Variants in ADK observed in about 807,000 individuals in gnomAD.
ADK encodes N6,N6-dimethyladenosine kinase.
ADK carries 24 observed loss-of-function variants against 44.7 expected under a neutral mutation model. The observed-to-expected ratio is 0.54, with a 90% confidence interval of 0.39 to 0.76. The LOEUF (loss-of-function observed/expected upper bound fraction) is 0.76. Ranked by LOEUF, ADK falls within the 30% of genes least tolerant of loss-of-function variation. The probability of loss-of-function intolerance (pLI) is 0.00; values close to 1 mark genes in which losing one functional copy is unlikely to be tolerated. For synonymous variants in ADK, 128 were observed against 142.6 expected, an observed-to-expected ratio of 0.90 and a Z score of 0.73; for missense variants, 321 against 425.1, an observed-to-expected ratio of 0.76 and a Z score of 2.15.
intron 7 of ADK, among the ~76,000 whole-genome samples, chr10:74,573,702 C>G (rs1038919890): frequency 1.9e-4 from 29 of 152,294 alleles, no homozygotes; most frequent in African/African-American, 4.3e-4. Context: ...AAGCAAGCCT[C>G]GGCAATGGCG....
At chr10:74,158,300 A>T (rs1841810293) in intron 1 of ADK, among the ~76,000 whole-genome samples, 1 of 152,202 alleles carries the variant, frequency 6.6e-6, no homozygotes, top group Non-Finnish European at 1.5e-5. Context: ...CTGTGTGGCT[A>T]AATATTATCT....
At chr10:74,413,600 C>T (rs1844263065) in intron 6 of ADK, among the ~76,000 whole-genome samples, 1 of 152,220 alleles carries the variant, frequency 6.6e-6, no homozygotes, top group South Asian at 2.1e-4. Context: ...GAATGCTATG[C>T]TGGTTTGATG....
At chr10:74,590,831 A>G (rs1047895606) in intron 8 of ADK, among the ~76,000 whole-genome samples, 150 of 152,208 alleles carry the variant, frequency 9.9e-4, no homozygotes, top group African/African-American at 3.5e-3. Context: ...TATAAATAAA[A>G]ATTTTCAGGA....
chr10:74,379,614 G>A (rs1020264839), intron 4 of ADK, among the ~76,000 whole-genome samples: 4 of 152,140 alleles, frequency 2.6e-5, no homozygotes, highest in Non-Finnish European at 4.4e-5. Flanking sequence ...ATATGCCAAA[G>A]TTTTTCCTGC....
intron 6 of ADK, among the ~76,000 whole-genome samples, chr10:74,512,768 T>C (rs948471173): frequency 6.6e-6 from 1 of 151,920 alleles, no homozygotes; most frequent in African/African-American, 2.4e-5. Flanking sequence ...TGTTTATTTC[T>C]ACACTGATCA....
At chr10:74,192,075 C>T (rs1034582341) in intron 1 of ADK, among the ~76,000 whole-genome samples, 2 of 152,204 alleles carry the variant, frequency 1.3e-5, no homozygotes, top group Non-Finnish European at 2.9e-5. Flanking sequence ...AGCACAATGC[C>T]TTTGAGATCC....
chr10:74,575,438 C>CATGAA (rs1319978813), intron 7 of ADK, among the ~76,000 whole-genome samples: 8 of 152,238 alleles, frequency 5.3e-5, no homozygotes, highest in Non-Finnish European at 1.0e-4. Context: ...AAGGAGAGAA[C>CATGAA]ATGAACAATT....
intron 9 of ADK, among the ~76,000 whole-genome samples, chr10:74,601,178 A>G (rs1852105696): frequency 6.6e-6 from 1 of 152,114 alleles, no homozygotes; most frequent in Non-Finnish European, 1.5e-5. Flanking sequence ...CTAACTGGGA[A>G]TTAATATTCA....
intron 6 of ADK, among the ~76,000 whole-genome samples, chr10:74,426,893 T>A (rs1338723769): frequency 6.6e-6 from 1 of 152,086 alleles, no homozygotes; most frequent in East Asian, 1.9e-4. Flanking sequence ...GCTGCACCCA[T>A]CAACTATCAC....
intron 10 of ADK, among the ~76,000 whole-genome samples, chr10:74,702,524 T>TTTCCTTCTTTCCTTCCTTCCTTCCTTCC (rs1554900284): frequency 3.3e-5 from 4 of 120,818 alleles, no homozygotes; most frequent in African/African-American, 6.3e-5. Flanking sequence ...TCCTTCCTTC[T>TTTCCTTCTTTCCTTCCTTCCTTCCTTCC]TTCCTTCCTT....
At chr10:74,389,902 A>G (rs1010872957) in intron 4 of ADK, among the ~76,000 whole-genome samples, 12 of 152,138 alleles carry the variant, frequency 7.9e-5, no homozygotes, top group African/African-American at 2.9e-4. Context: ...GTGAGTTGAT[A>G]TAGCTCTTAT....
intron 3 of ADK, among the ~76,000 whole-genome samples, chr10:74,287,323 G>A (rs1173054443): frequency 6.6e-6 from 1 of 152,134 alleles, no homozygotes; most frequent in Non-Finnish European, 1.5e-5. Flanking sequence ...AATTAGTGGG[G>A]CGTGGTGGTG....
intron 3 of ADK, among the ~76,000 whole-genome samples, chr10:74,273,397 G>A (rs1398509196): frequency 6.6e-6 from 1 of 151,996 alleles, no homozygotes; most frequent in African/African-American, 2.4e-5. Context: ...TGTTGGGCCT[G>A]AATTGCAATT....
intron 3 of ADK, among the ~76,000 whole-genome samples, chr10:74,248,495 A>T (rs1051276268): frequency 2.0e-5 from 3 of 151,896 alleles, no homozygotes; most frequent in Non-Finnish European, 2.9e-5. Flanking sequence ...AGTAGCTGGG[A>T]TTACAGGCAC....
intron 3 of ADK, among the ~76,000 whole-genome samples, chr10:74,234,523 G>C (rs190352345): frequency 1.2e-3 from 182 of 152,232 alleles, no homozygotes; most frequent in Non-Finnish European, 2.3e-3. Context: ...ATACCTACTT[G>C]AAAAGTATTT....
At chr10:74,369,993 A>C (rs969281153) in intron 4 of ADK, among the ~76,000 whole-genome samples, 3 of 152,232 alleles carry the variant, frequency 2.0e-5, no homozygotes, top group African/African-American at 7.2e-5. Context: ...AGGAACAAAA[A>C]TTTGAAATTA....
intron 8 of ADK, among the ~76,000 whole-genome samples, chr10:74,591,138 C>T (rs775772295): frequency 2.6e-5 from 4 of 152,060 alleles, no homozygotes; most frequent in Non-Finnish European, 5.9e-5. Flanking sequence ...GAGCTACTTG[C>T]TTTTCATGTG....
Position 74,221,853 on chromosome 10 carries a change from C to T in ADK, c.141-2685C>T, listed in dbSNP as rs545612316. On this transcript the variant is annotated intron_variant, in intron 2 of 10. Coordinates refer to ENST00000539909, the MANE Select transcript of ADK (RefSeq NM_006721.4). ...CTGAAACTGGATCCCTTCCTTACAC[C>T]TTATACAAAAATCAATTCAAGATGG... Among the ~76,000 whole-genome samples, 627 of 150,442 alleles carry T rather than the reference C, an allele frequency of 4.2e-3. 5 individuals are homozygous for T. The highest frequency in any genetic ancestry group is 0.015 in the African/African-American group (606 of 40,684).
At chr10:74,581,765 A>C (rs1052384729) in intron 7 of ADK, among the ~76,000 whole-genome samples, 1 of 152,220 alleles carries the variant, frequency 6.6e-6, no homozygotes, top group Non-Finnish European at 1.5e-5. Flanking sequence ...AAACAATGCA[A>C]GCTAGACCTT....
Sources: allele counts gnomAD v4.1 joint callset (sites outside exome capture counted in the v4.1 genomes callset), GRCh38; gene constraint gnomAD v4.1.1; transcripts MANE v1.5; gene names NCBI Gene and HGNC (gene_info 2026-07-23, HGNC 2026-07-21).